Variants in ERC2 observed in about 807,000 individuals in gnomAD.
ERC2 encodes the protein ERC protein 2.
A neutral mutation model predicts 114.8 loss-of-function variants in ERC2; 42 were observed. The observed-to-expected ratio is 0.37, with a 90% confidence interval of 0.29 to 0.47. ERC2 has a LOEUF of 0.47. ERC2 is among the 20% of genes least tolerant of loss of function. The pLI, the probability that ERC2 is intolerant of heterozygous loss-of-function variation, is 0.99. For synonymous variants in ERC2, 454 were observed against 425.5 expected, an observed-to-expected ratio of 1.07 and a Z score of -0.82; for missense variants, 939 against 1,150.7, an observed-to-expected ratio of 0.82 and a Z score of 2.66.
At chr3:56,351,482 A>G (rs928989739) in intron 2 of ERC2, among the ~76,000 whole-genome samples, 1 of 152,342 alleles carries the variant, frequency 6.6e-6, no homozygotes, top group South Asian at 2.1e-4. Context: ...GCAGGGCATC[A>G]TCACCTGAAA....
intron 2 of ERC2, among the ~76,000 whole-genome samples, chr3:56,376,113 C>T (rs1482003004): frequency 6.6e-6 from 1 of 152,298 alleles, no homozygotes; most frequent in East Asian, 1.9e-4. Context: ...TTGTGTGAAA[C>T]CCTGAGCTAG....
chr3:55,956,294 G>A (rs2067948523), intron 12 of ERC2, among the ~76,000 whole-genome samples: 1 of 152,156 alleles, frequency 6.6e-6, no homozygotes. Context: ...ATTGCAGGAA[G>A]CTCATGACAG....
intron 17 of ERC2, among the ~76,000 whole-genome samples, chr3:55,620,454 G>A (rs972170082): frequency 1.6e-4 from 24 of 152,094 alleles, no homozygotes; most frequent in Non-Finnish European, 3.1e-4. Flanking sequence ...ACCCTGGAGC[G>A]AGCCCTAAAG....
chr3:56,288,378 C>T (rs1185318110), intron 3 of ERC2, among the ~76,000 whole-genome samples: 3 of 152,238 alleles, frequency 2.0e-5, no homozygotes, highest in Admixed American at 6.5e-5. Flanking sequence ...GCATAACCTC[C>T]GGACATTCTC....
intron 14 of ERC2, among the ~76,000 whole-genome samples, chr3:55,765,734 A>T (rs1414484428): frequency 6.6e-6 from 1 of 152,202 alleles, no homozygotes; most frequent in Non-Finnish European, 1.5e-5. Context: ...GTTTATCTTT[A>T]AAGATGGACC....
intron 7 of ERC2, among the ~76,000 whole-genome samples, chr3:56,022,791 C>T (rs1304729927): frequency 6.6e-6 from 1 of 152,112 alleles, no homozygotes; most frequent in Admixed American, 6.5e-5. Context: ...GCAACACAGA[C>T]AACAAAGTAT....
intron 17 of ERC2, among the ~76,000 whole-genome samples, chr3:55,594,867 A>G (rs780705945): frequency 3.3e-5 from 5 of 152,046 alleles, no homozygotes; most frequent in Non-Finnish European, 5.9e-5. Flanking sequence ...CAAAACCCCA[A>G]CTGTCACCAC....
chr3:55,909,804 T>C (rs552448228), intron 13 of ERC2, among the ~76,000 whole-genome samples: 8 of 152,266 alleles, frequency 5.3e-5, no homozygotes, highest in Non-Finnish European at 1.0e-4. Context: ...ACATGACAGA[T>C]GAGGTGAGGG....
chr3:56,101,630 A>G (rs982512045), intron 6 of ERC2, among the ~76,000 whole-genome samples: 1 of 152,200 alleles, frequency 6.6e-6, no homozygotes, highest in Non-Finnish European at 1.5e-5. Flanking sequence ...AATAGCCCAG[A>G]AACTGAAGGA....
chr3:56,190,619 TG>T (rs1021445196), intron 3 of ERC2, among the ~76,000 whole-genome samples: 1 of 152,108 alleles, frequency 6.6e-6, no homozygotes, highest in Non-Finnish European at 1.5e-5. Flanking sequence ...AAAATTTTTT[TG>T]TAGAGATGAG....
At chr3:55,565,926 C>G (rs1403251173) in intron 17 of ERC2, among the ~76,000 whole-genome samples, 1 of 152,214 alleles carries the variant, frequency 6.6e-6, no homozygotes, top group Non-Finnish European at 1.5e-5. Flanking sequence ...AGTTTCAAAT[C>G]CAAAACTACA....
chr3:55,689,380 A>G (rs921939882), intron 16 of ERC2, among the ~76,000 whole-genome samples: 3 of 152,144 alleles, frequency 2.0e-5, no homozygotes, highest in African/African-American at 7.2e-5. Flanking sequence ...CAGCTCAAGG[A>G]CATCAGATAC....
chr3:55,610,128 G>C (rs1160431924), intron 17 of ERC2, among the ~76,000 whole-genome samples: 2 of 146,790 alleles, frequency 1.4e-5, no homozygotes, highest in East Asian at 2.0e-4. Context: ...GACACTTGAA[G>C]TTTTGGGCCA....
intron 17 of ERC2, chr3:55,658,064 A>G (rs1441494133): frequency 3.9e-5 from 6 of 152,176 alleles, no homozygotes; most frequent in Non-Finnish European, 8.8e-5. Context: ...TCTGGCCTCA[A>G]ACTGACTTAT....
chr3:56,207,495 A>G (rs1246105593), intron 3 of ERC2, among the ~76,000 whole-genome samples: 1 of 152,126 alleles, frequency 6.6e-6, no homozygotes, highest in African/African-American at 2.4e-5. Flanking sequence ...TTCATTTAGC[A>G]TCATATATTG....
At position 56,017,724 on chromosome 3, in the gene ERC2, T is replaced by A. The variant is rs1023881; in HGVS notation, c.1779+1170A>T. Among the ~76,000 whole-genome samples, 3,262 of 152,270 alleles carry A rather than the reference T, an allele frequency of 0.021. 342 individuals carry two copies. The East Asian group carries it at 0.31, about 14-fold the overall frequency. ...CCTTCTCTTCTTTTGTAGAAAATAT[T>A]ACCCTCTGAAATCCTAGGAATGTCA... is the stretch of plus-strand genomic sequence containing the variant. On this transcript the variant is annotated intron_variant, in intron 8 of 17. Transcript: ENST00000288221.
chr3:55,884,371 G>A (rs989513875), intron 14 of ERC2, among the ~76,000 whole-genome samples: 1 of 152,156 alleles, frequency 6.6e-6, no homozygotes, highest in African/African-American at 2.4e-5. Flanking sequence ...CATTTGCAAA[G>A]ATATACACCA....
chr3:55,896,420 A>T (rs535489513), intron 13 of ERC2, among the ~76,000 whole-genome samples: 4 of 152,198 alleles, frequency 2.6e-5, no homozygotes, highest in Non-Finnish European at 5.9e-5. Flanking sequence ...GAAAAATGCT[A>T]GTTGGAGAAT....
chr3:55,582,881 C>T (rs374741384), intron 17 of ERC2, among the ~76,000 whole-genome samples: 6 of 152,144 alleles, frequency 3.9e-5, no homozygotes, highest in Admixed American at 6.5e-5. Flanking sequence ...GTGAAGAATA[C>T]GGGGCTTTGG....
Sources: allele counts gnomAD v4.1 joint callset (sites outside exome capture counted in the v4.1 genomes callset), GRCh38; gene constraint gnomAD v4.1.1; transcripts MANE v1.5; gene names NCBI Gene and HGNC (gene_info 2026-07-23, HGNC 2026-07-21).